Variants in MEP1B observed in about 807,000 individuals in gnomAD.
MEP1B encodes the protein meprin A subunit beta.
A neutral mutation model predicts 84.6 loss-of-function variants in MEP1B; 80 were observed. That is an observed-to-expected ratio of 0.95 (90% CI 0.79 to 1.14). MEP1B has a LOEUF of 1.14. Among genes scored for constraint, MEP1B ranks in the 50% most tolerant of loss-of-function variants. The pLI is 0.00. For synonymous variants in MEP1B, 273 were observed against 288.1 expected, an observed-to-expected ratio of 0.95 and a Z score of 0.53; for missense variants, 766 against 855.1, an observed-to-expected ratio of 0.90 and a Z score of 1.30.
chr18:32,199,480 G>A (rs1443043782), intron 5 of MEP1B, among the ~76,000 whole-genome samples: 1 of 151,366 alleles, frequency 6.6e-6, no homozygotes, highest in Admixed American at 6.6e-5. Flanking sequence ...GGAAAGCCAG[G>A]GCAGGAGTAG....
intron 2 of MEP1B, among the ~76,000 whole-genome samples, chr18:32,192,324 G>A (rs141444990): frequency 3.9e-5 from 6 of 152,154 alleles, no homozygotes; most frequent in African/African-American, 1.4e-4. Context: ...TTAATCATTT[G>A]TTTGCTATTT....
Position 32,196,201 on chromosome 18 carries a change from T to A in MEP1B, c.250+716T>A. The A allele has an allele frequency of 1.5e-6, 1 of 663,908 alleles. No individual in the cohort carries two copies. The highest frequency in any genetic ancestry group is 2.8e-6 in the Non-Finnish European group (1 of 352,068). The allele number at this position is 663,908 out of a possible 1,614,324, so 41.1% of individuals were successfully genotyped here. On this transcript the variant is annotated intron_variant, in intron 5 of 14. Coordinates refer to ENST00000269202, the MANE Select transcript of MEP1B (RefSeq NM_005925.3). This position sits in a 1 kb window ranked among gnomAD's most constrained non-coding sequence, Gnocchi z 4.4. ...CACCTCGGCTTTCAGACTCTCCAAG[T>A]CTTTTTGGCTGAGAGGAATGAAGAG... is the stretch of plus-strand genomic sequence containing the variant.
In MEP1B at chr18:32,190,144, A is replaced by G. The variant is rs760446312; in HGVS notation, c.63+11A>G. 4.9e-5 allele frequency: 78 copies of G among 1,604,600 alleles called. No individual in the cohort carries two copies. Among genetic ancestry groups the G allele is most frequent in the Non-Finnish European group, 6.5e-5 (76 of 1,173,976 alleles). ...GTGATTTCTGGCTTGGTAAGGAAAC[A>G]GTATATAGAAGATAATTTAAAAATT... On this transcript the variant is annotated intron_variant, in intron 1 of 14. Coordinates refer to ENST00000269202, the MANE Select transcript of MEP1B (RefSeq NM_005925.3).
At position 32,196,630 on chromosome 18, in the gene MEP1B, G is replaced by C. The variant is rs566812547; in HGVS notation, c.250+1145G>C. ...TACTCCATCACCCTGTGCAGCACCC[G>C]CCTGATGTTGTCCAGCACGCCACCT... On this transcript the variant is annotated intron_variant, in intron 5 of 14. Transcript: ENST00000269202. This position sits in a 1 kb window ranked among gnomAD's most constrained non-coding sequence, Gnocchi z 4.4. The C allele has an allele frequency of 1.3e-5, 9 of 712,640 alleles. No homozygotes were observed. The highest frequency in any genetic ancestry group is 1.1e-4 in the Admixed American group (6 of 53,750). 44.1% of individuals were successfully genotyped at this position (712,640 alleles called of 1,614,324 possible). A position where few individuals can be genotyped will look rare whatever the true frequency, so the allele number is the denominator to read the frequency against.
At chr18:32,192,887 A>G in intron 4 of MEP1B, 70 bp downstream of exon 4, 2 of 1,210,898 alleles carry the variant, frequency 1.7e-6, no homozygotes, top group South Asian at 2.5e-5. Flanking sequence ...TAACTGAGAA[A>G]GATTAGACAG....
intron 11 of MEP1B, among the ~76,000 whole-genome samples, chr18:32,214,337 A>G (rs1370001755): frequency 6.6e-6 from 1 of 152,192 alleles, no homozygotes; most frequent in Admixed American, 6.5e-5. Flanking sequence ...TAGTAAAGGA[A>G]AAAATGGAAT....
intron 2 of MEP1B, among the ~76,000 whole-genome samples, chr18:32,192,191 A>C (rs1468499013): frequency 6.6e-6 from 1 of 152,100 alleles, no homozygotes; most frequent in African/African-American, 2.4e-5. Flanking sequence ...GCCATATTAT[A>C]TACACCTTTA....
At chr18:32,193,281 C>A (rs1300703222) in intron 4 of MEP1B, among the ~76,000 whole-genome samples, 2 of 152,142 alleles carry the variant, frequency 1.3e-5, no homozygotes, top group African/African-American at 4.8e-5. Context: ...CAAACCTATT[C>A]ATAAAGAGTG....
intron 9 of MEP1B, among the ~76,000 whole-genome samples, chr18:32,208,736 T>C (rs911432092): frequency 1.3e-5 from 2 of 152,248 alleles, no homozygotes; most frequent in Admixed American, 6.5e-5. Flanking sequence ...CAGATGCGTA[T>C]CCTTTTCCAT....
At position 32,213,219 on chromosome 18, in the gene MEP1B, T is replaced by C; in HGVS notation, c.1239T>C (p.Gly413=). The C allele has an allele frequency of 1.2e-6, 2 of 1,613,950 alleles. No individual in the cohort carries two copies. Among genetic ancestry groups the C allele is most frequent in the South Asian group, 1.1e-5 (1 of 91,080 alleles). Residue 413 remains glycine, a synonymous_variant, in exon 11 of 15, where the codon GGT becomes GGC. Coordinates refer to ENST00000269202, the MANE Select transcript of MEP1B (RefSeq NM_005925.3). ...GCAAAGGCTCTGGTGCATCACTGGG[T>C]GGTCTGTCTATTGATGACATCAATC... ...EGRKGSGASL[G]GLSIDDINLS...
chr18:32,197,405 G>GTTTTTTT (rs34303503), intron 5 of MEP1B, among the ~76,000 whole-genome samples: 1 of 142,162 alleles, frequency 7.0e-6, no homozygotes, highest in African/African-American at 2.6e-5. Flanking sequence ...TTTCATTTTT[G>GTTTTTTT]TTTTTTTTTT....
intron 5 of MEP1B, among the ~76,000 whole-genome samples, chr18:32,200,815 G>C (rs940203976): frequency 7.2e-5 from 11 of 152,272 alleles, no homozygotes; most frequent in African/African-American, 1.7e-4. Context: ...AAAGGCAGTG[G>C]GGGAGGCTGA....
chr18:32,193,321 C>G (rs1170576210), intron 4 of MEP1B, among the ~76,000 whole-genome samples: 1 of 152,136 alleles, frequency 6.6e-6, no homozygotes, highest in African/African-American at 2.4e-5. Context: ...TCATGCCACA[C>G]AGATAAACAC....
intron 7 of MEP1B, among the ~76,000 whole-genome samples, chr18:32,206,669 T>C (rs1027098808): frequency 2.2e-4 from 34 of 152,206 alleles, no homozygotes; most frequent in African/African-American, 7.9e-4. Flanking sequence ...TGGAGTGCAG[T>C]AGTGCAATCT....
intron 7 of MEP1B, 84 bp downstream of exon 7, chr18:32,204,444 T>C (rs889105174): frequency 9.0e-5 from 106 of 1,182,804 alleles, no homozygotes; most frequent in Admixed American, 1.2e-4. Context: ...GTGGCAACTG[T>C]TAATAATTTT....
intron 7 of MEP1B, among the ~76,000 whole-genome samples, chr18:32,205,251 G>T (rs898394903): frequency 2.0e-5 from 3 of 152,166 alleles, no homozygotes; most frequent in Non-Finnish European, 1.5e-5. Flanking sequence ...TAGTTGAGTA[G>T]CATGAACTGT....
At chr18:32,216,734 C>G (rs1158182016) in intron 12 of MEP1B, among the ~76,000 whole-genome samples, 1 of 152,046 alleles carries the variant, frequency 6.6e-6, no homozygotes, top group African/African-American at 2.4e-5. Flanking sequence ...TGATCATTGT[C>G]TATTCTGAAA....
At chr18:32,219,266 C>A (rs940840117) in intron 14 of MEP1B, among the ~76,000 whole-genome samples, 1 of 152,158 alleles carries the variant, frequency 6.6e-6, no homozygotes, top group Non-Finnish European at 1.5e-5. Flanking sequence ...GAAAGCAAAT[C>A]GTTGTATTAT....
intron 10 of MEP1B, among the ~76,000 whole-genome samples, chr18:32,212,563 ATACT>A (rs1403568026): frequency 6.6e-6 from 1 of 152,212 alleles, no homozygotes; most frequent in African/African-American, 2.4e-5. Context: ...TATCAGATAA[ATACT>A]TACAATGCTG....
Sources: gnomAD v4.1 joint callset for allele counts (sites outside exome capture counted in the v4.1 genomes callset) on GRCh38, gnomAD v4.1.1 for gene constraint, Gnocchi (gnomAD v3.1) non-coding constraint, MANE v1.5 for transcripts, NCBI Gene and HGNC (gene_info 2026-07-23, HGNC 2026-07-21) for gene names.